The following IFT88 variants were observed in gnomAD, a reference collection of about 807,000 sequenced individuals.
IFT88 encodes intraflagellar transport 88.
In IFT88, 74 loss-of-function variants were observed where a neutral mutation model predicts 119.5. The ratio of observed to expected loss-of-function variants is 0.62; its 90% CI spans 0.51 to 0.75. The LOEUF (loss-of-function observed/expected upper bound fraction) is 0.75, where lower values mean the gene tolerates loss of function less well. IFT88 is among the 30% of genes least tolerant of loss of function. The pLI is 0.00. For missense variants in IFT88, 961 were observed against 977.7 expected (o/e 0.98, Z 0.23); for synonymous variants, 279 against 316.7 (o/e 0.88, Z 1.26).
At chr13:20,673,057 C>T (rs1360912679) in intron 24 of IFT88, among the ~76,000 whole-genome samples, 2 of 152,048 alleles carry the variant, frequency 1.3e-5, no homozygotes, top group Non-Finnish European at 2.9e-5. Context: ...AATAACTGTC[C>T]CTTTAAGGAG....
chr13:20,626,043 C>T (rs1302253060), intron 15 of IFT88, among the ~76,000 whole-genome samples, 194 bp downstream of exon 15: 130 of 39,560 alleles, frequency 3.3e-3, no homozygotes, highest in South Asian at 5.0e-3. Flanking sequence ...TTTGTCGTTT[C>T]TTTTTTTTTT....
intron 15 of IFT88, among the ~76,000 whole-genome samples, chr13:20,626,698 G>T (rs2047388643): frequency 6.6e-6 from 1 of 152,158 alleles, no homozygotes; most frequent in African/African-American, 2.4e-5. Context: ...GGTAGAGTGG[G>T]TGCTCCCCCT....
At chr13:20,582,385 G>T (rs1279465929) in intron 2 of IFT88, among the ~76,000 whole-genome samples, 1 of 152,142 alleles carries the variant, frequency 6.6e-6, no homozygotes, top group East Asian at 1.9e-4. Flanking sequence ...TGGCAGTGCA[G>T]GTTGGACTTG....
chr13:20,604,335 A>C (rs1409252531), intron 12 of IFT88, among the ~76,000 whole-genome samples: 1 of 152,204 alleles, frequency 6.6e-6, no homozygotes, highest in African/African-American at 2.4e-5. Flanking sequence ...ATTGAGAAAA[A>C]ATAATATATG....
chr13:20,586,637 AT>A (rs1003721194), intron 3 of IFT88, among the ~76,000 whole-genome samples: 9 of 152,146 alleles, frequency 5.9e-5, no homozygotes, highest in African/African-American at 1.9e-4. Context: ...CAAAAATGAG[AT>A]TTAGTCATTA....
intron 7 of IFT88, among the ~76,000 whole-genome samples, chr13:20,593,669 A>T (rs80315894): frequency 5.9e-5 from 9 of 152,230 alleles, no homozygotes; most frequent in Admixed American, 1.3e-4. Flanking sequence ...ATGACAGCAC[A>T]TTAGCTAATA....
chr13:20,658,358 G>A (rs558371571), intron 22 of IFT88, among the ~76,000 whole-genome samples: 95 of 152,246 alleles, frequency 6.2e-4, no homozygotes, highest in Middle Eastern at 3.4e-3. Flanking sequence ...TAGGATTGCA[G>A]GTGTGAGCCA....
intron 11 of IFT88, among the ~76,000 whole-genome samples, chr13:20,601,227 G>A (rs892993689): frequency 2.6e-5 from 4 of 152,112 alleles, no homozygotes; most frequent in African/African-American, 9.7e-5. Context: ...TTAGCCCGGC[G>A]TGGTGGCATG....
chr13:20,643,419 T>A, intron 18 of IFT88, 36 bp from the exon 19 acceptor site: 1 of 1,537,950 alleles, frequency 6.5e-7, no homozygotes, highest in Non-Finnish European at 8.8e-7. Flanking sequence ...TTAATGAATT[T>A]AGAAAACATG....
chr13:20,669,252 G>T (rs1294140927), intron 23 of IFT88, among the ~76,000 whole-genome samples: 1 of 152,122 alleles, frequency 6.6e-6, no homozygotes, highest in African/African-American at 2.4e-5. Flanking sequence ...CTAGATGAGT[G>T]CAGGGAACAG....
intron 2 of IFT88, 50 bp from the exon 3 acceptor site, chr13:20,582,906 TC>T: frequency 7.1e-7 from 1 of 1,409,454 alleles, no homozygotes. Flanking sequence ...ACTTATTTTT[TC>T]CCCCAATTCT....
chr13:20,653,802 G>A lies in IFT88; in HGVS notation c.1950-74G>A. On this transcript the variant is annotated intron_variant, in intron 20 of 25. Coordinates refer to ENST00000351808, the MANE Select transcript of IFT88 (RefSeq NM_006531.5). ...GTCAAAAAGTAATTGTAAAATAGTAGATACATAGCTTTATAAAACTGAGCA... is the reference window on the plus strand; with the variant it reads ...GTCAAAAAGTAATTGTAAAATAGTAAATACATAGCTTTATAAAACTGAGCA... 4.1e-6 allele frequency: 3 copies of A among 725,510 alleles called. No individual in the cohort carries two copies. In the East Asian group the frequency reaches 8.2e-5, roughly 20 times the overall value. The allele number at this position is 725,510 out of a possible 1,614,324, so 44.9% of individuals were successfully genotyped here.
chr13:20,641,171 C>A, intron 17 of IFT88, 119 bp from the exon 18 acceptor site: 2 of 651,644 alleles, frequency 3.1e-6, no homozygotes, highest in Non-Finnish European at 5.0e-6. Flanking sequence ...CTGAGTTCAT[C>A]TTCATTTTCT....
At chr13:20,657,593 A>G (rs1032908574) in intron 22 of IFT88, among the ~76,000 whole-genome samples, 1 of 152,158 alleles carries the variant, frequency 6.6e-6, no homozygotes, top group Non-Finnish European at 1.5e-5. Context: ...TAACATCCCT[A>G]TAGCAAATAA....
chr13:20,676,650 C>A (rs373952966), intron 24 of IFT88, among the ~76,000 whole-genome samples: 1 of 152,146 alleles, frequency 6.6e-6, no homozygotes. Context: ...ACAAGAATTA[C>A]TAGTGCTTAT....
At chr13:20,637,218 CT>C in intron 16 of IFT88, among the ~76,000 whole-genome samples, 1 of 152,256 alleles carries the variant, frequency 6.6e-6, no homozygotes, top group East Asian at 1.9e-4. Flanking sequence ...GGTTGCACAA[CT>C]TTGTGAACCT....
Position 20,615,775 on chromosome 13 carries a change from T to C in IFT88, c.1113-18T>C, listed in dbSNP as rs1431371997. On this transcript the variant is annotated intron_variant, in intron 13 of 25. Coordinates refer to ENST00000351808, the MANE Select transcript of IFT88 (RefSeq NM_006531.5). ...ATACTGTATCTCTAAATACAACTTT[T>C]TGGTTTATTTGATATAGGAAAGCCA... 2 of 1,459,686 alleles carry C rather than the reference T, an allele frequency of 1.4e-6. No individual in the cohort carries two copies. Among genetic ancestry groups the C allele is most frequent in the African/African-American group, 1.4e-5 (1 of 70,186 alleles). The allele number at this position is 1,459,686 out of a possible 1,614,324, so 90.4% of individuals were successfully genotyped here.
intron 24 of IFT88, among the ~76,000 whole-genome samples, chr13:20,681,410 T>C (rs2094699): frequency 0.99 from 150,622 of 152,358 alleles, 74,473 homozygotes; most frequent in East Asian, 1. Flanking sequence ...AGGATTAACT[T>C]CTCCTGTAAA....
At position 20,691,251 on chromosome 13, in the gene IFT88, T is replaced by A; in HGVS notation, c.*76T>A. 7.6e-7 allele frequency: 1 copy of A among 1,318,894 alleles called. No homozygotes were observed. Among genetic ancestry groups the A allele is most frequent in the Non-Finnish European group, 1.0e-6 (1 of 960,874 alleles). 81.7% of individuals were successfully genotyped at this position (1,318,894 alleles called of 1,614,324 possible). A position where few individuals can be genotyped will look rare whatever the true frequency, so the allele number is the denominator to read the frequency against. ...CTCATGTTAAACCTTGGATTAAATA[T>A]CTAACCTGTAATTATTTTTTTTCAC... On this transcript the variant is annotated 3_prime_UTR_variant, in exon 26 of 26. Transcript: ENST00000351808.
Sources: gnomAD v4.1 joint callset for allele counts (sites outside exome capture counted in the v4.1 genomes callset) on GRCh38, gnomAD v4.1.1 for gene constraint, MANE v1.5 for transcripts, NCBI Gene and HGNC (gene_info 2026-07-23, HGNC 2026-07-21) for gene names.